Variants in MAP7 observed in about 807,000 individuals in gnomAD.
MAP7 encodes the protein microtubule associated protein 7, also known as ensconsin.
In MAP7, 52 loss-of-function variants were observed where a neutral mutation model predicts 94.8. The ratio of observed to expected loss-of-function variants is 0.55; its 90% CI spans 0.44 to 0.69. The LOEUF (loss-of-function observed/expected upper bound fraction) is 0.69. MAP7 is among the 30% of genes least tolerant of loss of function. MAP7 has a pLI of 0.00. For missense variants in MAP7, 940 were observed against 964.6 expected, an observed-to-expected ratio of 0.97 and a Z score of 0.34; for synonymous variants, 350 against 357.0, an observed-to-expected ratio of 0.98 and a Z score of 0.22.
At chr6:136,519,516 C>T (rs140275857) in intron 1 of MAP7, among the ~76,000 whole-genome samples, 4 of 152,166 alleles carry the variant, frequency 2.6e-5, no homozygotes, top group Non-Finnish European at 4.4e-5. Flanking sequence ...CAAAAAGATT[C>T]ATGACTTAGA....
rs1187008284 is a variant in MAP7 at position 136,344,169 on chromosome 6, A to G, written c.*59T>C. On this transcript the variant is annotated 3_prime_UTR_variant, in exon 18 of 18. Coordinates refer to ENST00000354570, the MANE Select transcript of MAP7 (RefSeq NM_003980.6). The stretch of plus-strand genomic sequence containing the variant: ...GATGCTCCTTTATAGCAGGAAAGGA[A>G]TTCCATTAATTGTAGAAATTCTCAT... 3.2e-6 allele frequency: 3 copies of G among 923,318 alleles called. No individual in the cohort carries two copies. The highest frequency in any genetic ancestry group is 2.5e-4 in the Middle Eastern group (1 of 3,990). 57.2% of individuals were successfully genotyped at this position (923,318 alleles called of 1,614,324 possible). A position where few individuals can be genotyped will look rare whatever the true frequency, so the allele number is the denominator to read the frequency against.
intron 7 of MAP7, among the ~76,000 whole-genome samples, chr6:136,376,441 T>C (rs1217480655): frequency 1.3e-5 from 2 of 152,178 alleles, no homozygotes; most frequent in African/African-American, 2.4e-5. Flanking sequence ...AAAGAAAAAC[T>C]CATGACTTGT....
At chr6:136,484,969 C>T (rs1814149137) in intron 1 of MAP7, among the ~76,000 whole-genome samples, 1 of 152,214 alleles carries the variant, frequency 6.6e-6, no homozygotes, top group Non-Finnish European at 1.5e-5. Flanking sequence ...GCTGGGATTA[C>T]AGGCATGAGC....
chr6:136,409,606 T>C (rs1786762884), intron 3 of MAP7, among the ~76,000 whole-genome samples: 2 of 152,210 alleles, frequency 1.3e-5, no homozygotes, highest in Non-Finnish European at 2.9e-5. Context: ...TTCTATCCCT[T>C]TGAAAGGCTC....
chr6:136,430,063 G>A (rs1794460476), intron 1 of MAP7, among the ~76,000 whole-genome samples: 1 of 152,104 alleles, frequency 6.6e-6, no homozygotes, highest in African/African-American at 2.4e-5. Context: ...ACGGAGAAAT[G>A]GTAAATCAGA....
chr6:136,356,668 T>C, intron 16 of MAP7, 24 bp downstream of exon 16: 1 of 1,572,028 alleles, frequency 6.4e-7, no homozygotes, highest in South Asian at 1.1e-5. Flanking sequence ...TGTTTTACTT[T>C]AATGAATGTC....
rs534292325 is a variant in MAP7, at chr6:136,421,018, C to G, written c.166+683G>C. 2.0e-5 allele frequency among the ~76,000 whole-genome samples: 3 copies of G among 152,260 alleles called. No homozygotes were observed. In the South Asian group the frequency reaches 6.2e-4, roughly 32 times the overall value. Reference sequence around the variant, plus strand: ...CTTTCCTTTGATTGTCTCCTGTTATCATACTGTACATTCATTCCTCCCACA... The same window carrying G: ...CTTTCCTTTGATTGTCTCCTGTTATGATACTGTACATTCATTCCTCCCACA... On this transcript the variant is annotated intron_variant, in intron 2 of 17. Coordinates refer to ENST00000354570, the MANE Select transcript of MAP7 (RefSeq NM_003980.6).
intron 1 of MAP7, among the ~76,000 whole-genome samples, chr6:136,483,583 T>TA (rs990843806): frequency 6.6e-6 from 1 of 151,752 alleles, no homozygotes; most frequent in African/African-American, 2.4e-5. Flanking sequence ...TATTGATAGT[T>TA]AAAAAAAATG....
rs189010132 is a variant in MAP7, at chr6:136,531,700, G to A, written c.67+18642C>T. Among the ~76,000 whole-genome samples, 136 of 123,638 alleles carry A rather than the reference G, an allele frequency of 1.1e-3. 5 individuals are homozygous for A. Among genetic ancestry groups the A allele is most frequent in the Non-Finnish European group, 1.6e-3 (108 of 66,426 alleles). 81.1% of individuals were successfully genotyped at this position (123,638 alleles called of 152,430 possible). ...TCAAATGGTGGTCATAGGGATAGACGTAAAAACAGGAATATGAGAATCAAT... is the reference window on the plus strand; with the variant it reads ...TCAAATGGTGGTCATAGGGATAGACATAAAAACAGGAATATGAGAATCAAT... On this transcript the variant is annotated intron_variant, in intron 1 of 17. Coordinates refer to ENST00000354570, the MANE Select transcript of MAP7 (RefSeq NM_003980.6).
chr6:136,468,027 G>A (rs1195169846), intron 1 of MAP7, among the ~76,000 whole-genome samples: 1 of 152,048 alleles, frequency 6.6e-6, no homozygotes, highest in Non-Finnish European at 1.5e-5. Flanking sequence ...CTCCTTAGGA[G>A]GAGCCAGTGG....
chr6:136,418,283 C>T (rs7759353), intron 2 of MAP7, among the ~76,000 whole-genome samples: 113,538 of 152,128 alleles, frequency 0.75, 43,355 homozygotes, highest in Middle Eastern at 0.85. Flanking sequence ...TGGCGGATCT[C>T]GGCTCACTGC....
chr6:136,550,368 C>A lies in MAP7; in HGVS notation c.41G>T (p.Gly14Val), dbSNP rs1583171748. Residue 14 changes from glycine to valine, a missense_variant, in exon 1 of 18, where the codon GGC becomes GTC. Gly to Val is a moderately radical substitution (Grantham distance 109). Transcript: ENST00000354570. The surrounding 1 kb of genome is among the most constrained non-coding windows in gnomAD (Gnocchi z 5.1). ...LGAGGDGHRGGDGAVRSETAP... is the reference protein window; with the variant it reads ...LGAGGDGHRGVDGAVRSETAP... ...TGTTTCGCTTCGCACTGCGCCGTCG[C>A]CGCCCCTGTGGCCGTCGCCGCCAGC... 1 of 1,530,806 alleles carries A rather than the reference C, an allele frequency of 6.5e-7. No individual in the cohort carries two copies. The highest frequency in any genetic ancestry group is 8.7e-7 in the Non-Finnish European group (1 of 1,147,280). The allele number at this position is 1,530,806 out of a possible 1,614,324, so 94.8% of individuals were successfully genotyped here.
At position 136,372,595 on chromosome 6, in the gene MAP7, T is replaced by A. The variant is rs1405159650; in HGVS notation, c.782A>T (p.Lys261Ile). 7 of 1,614,088 alleles carry A rather than the reference T, an allele frequency of 4.3e-6. No individual in the cohort carries two copies. Among genetic ancestry groups the A allele is most frequent in the Non-Finnish European group, 5.9e-6 (7 of 1,180,012 alleles). The stretch of plus-strand genomic sequence containing the variant: ...CATCGAATTTCTAGAGTGTGCAGCT[T>A]TGTAGGGCATGATGATGGGGCTGCA... ...ASCSPIIMPYKAAHSRNSMDR... is the reference protein window; with the variant it reads ...ASCSPIIMPYIAAHSRNSMDR... Residue 261 changes from lysine to isoleucine, a missense_variant, in exon 8 of 18, where the codon AAA becomes ATA. Physicochemically the swap from Lys to Ile is moderately radical, Grantham distance 102. Coordinates refer to ENST00000354570, the MANE Select transcript of MAP7 (RefSeq NM_003980.6).
intron 1 of MAP7, among the ~76,000 whole-genome samples, chr6:136,483,243 G>C (rs571551492): frequency 5.9e-5 from 9 of 151,992 alleles, no homozygotes; most frequent in African/African-American, 1.4e-4. Context: ...TGGAGATGGA[G>C]GCAGTTATCC....
intron 6 of MAP7, among the ~76,000 whole-genome samples, chr6:136,379,093 A>C (rs1316504938): frequency 6.6e-6 from 1 of 152,210 alleles, no homozygotes; most frequent in African/African-American, 2.4e-5. Flanking sequence ...AGCAGGTGGC[A>C]AAGTCTCCTT....
At chr6:136,501,242 A>G (rs9385762) in intron 1 of MAP7, among the ~76,000 whole-genome samples, 10,452 of 152,242 alleles carry the variant, frequency 0.069, 818 homozygotes, top group African/African-American at 0.19. Flanking sequence ...GTCACTATGA[A>G]GCTTCGGGCA....
chr6:136,389,531 T>TAAA lies in MAP7; in HGVS notation c.245-17_245-15dup. On this transcript the variant is annotated splice_polypyrimidine_tract_variant and intron_variant, in intron 3 of 17. Coordinates refer to ENST00000354570, the MANE Select transcript of MAP7 (RefSeq NM_003980.6). ...TTTCTCTTGCAGCTTTGGGGAGGGT[T>TAAA]AAAAAAAAAAAAAAAGAGGGAAATC... The TAAA allele has an allele frequency of 9.8e-6, 15 of 1,529,292 alleles. No homozygotes were observed. Among genetic ancestry groups the TAAA allele is most frequent in the Middle Eastern group, 1.8e-4 (1 of 5,452 alleles). 94.7% of individuals were successfully genotyped at this position (1,529,292 alleles called of 1,614,324 possible).
chr6:136,529,488 A>G (rs535933827), intron 1 of MAP7, among the ~76,000 whole-genome samples: 1 of 152,324 alleles, frequency 6.6e-6, no homozygotes, highest in African/African-American at 2.4e-5. Flanking sequence ...CTTGCATGTC[A>G]CATGCAGATA....
intron 1 of MAP7, among the ~76,000 whole-genome samples, chr6:136,524,944 T>A (rs558860317): frequency 6.6e-6 from 1 of 152,342 alleles, no homozygotes; most frequent in African/African-American, 2.4e-5. Context: ...CCCATCTGTT[T>A]AAGAACAGCT....
Sources: gnomAD v4.1 joint callset for allele counts (sites outside exome capture counted in the v4.1 genomes callset) on GRCh38, gnomAD v4.1.1 for gene constraint, Gnocchi (gnomAD v3.1) non-coding constraint, MANE v1.5 for transcripts, NCBI Gene and HGNC (gene_info 2026-07-23, HGNC 2026-07-21) for gene names.